TNS3: variants seen among roughly 807,000 people sequenced by gnomAD.
TNS3 encodes the protein tensin-3.
A neutral mutation model predicts 140.9 loss-of-function variants in TNS3; 45 were observed. The ratio of observed to expected loss-of-function variants is 0.32; its 90% CI spans 0.25 to 0.41. The LOEUF (loss-of-function observed/expected upper bound fraction) is 0.41, where lower values mean the gene tolerates loss of function less well. Ranked by LOEUF, TNS3 falls within the 10% of genes least tolerant of loss-of-function variation. The pLI, the probability that TNS3 is intolerant of heterozygous loss-of-function variation, is 1.00. For synonymous variants in TNS3, 815 were observed against 788.4 expected (o/e 1.03, Z -0.56); for missense variants, 1,716 against 1,906.7 (o/e 0.90, Z 1.86).
At chr7:47,309,653 T>G (rs1786969503) in intron 20 of TNS3, among the ~76,000 whole-genome samples, 1 of 152,198 alleles carries the variant, frequency 6.6e-6, no homozygotes, top group Non-Finnish European at 1.5e-5. Context: ...CAGATGTTTA[T>G]CCAGTGAGGT....
chr7:47,304,981 C>G lies in TNS3; in HGVS notation c.2673G>C (p.Thr891=). Residue 891 remains threonine (T), a synonymous_variant, in exon 21 of 31, where the codon ACG becomes ACC. Transcript: ENST00000311160. ...CTGACATCCCCACAGCGTGAGTGAG[C>G]GTCTCAGGGCAGCTTCGTGGTTCTG... is the stretch of plus-strand genomic sequence containing the variant. The part of the protein sequence containing the change: ...GGREPRSCPE[T]LTHAVGMSES... The G allele has an allele frequency of 7.3e-7, 1 of 1,371,952 alleles. No individual in the cohort carries two copies. The highest frequency in any genetic ancestry group is 9.5e-7 in the Non-Finnish European group (1 of 1,050,380). The allele number at this position is 1,371,952 out of a possible 1,614,324, so 85.0% of individuals were successfully genotyped here.
chr7:47,534,190 C>T (rs1393039431), intron 1 of TNS3, among the ~76,000 whole-genome samples: 3 of 152,032 alleles, frequency 2.0e-5, no homozygotes, highest in Admixed American at 6.6e-5. Context: ...AGGAGAATCC[C>T]TTGAACCCAG....
chr7:47,441,915 A>G, intron 5 of TNS3, 88 bp downstream of exon 5: 4 of 954,344 alleles, frequency 4.2e-6, no homozygotes, highest in Non-Finnish European at 5.9e-6. Flanking sequence ...TTTCTACAGA[A>G]GAAAATGATG....
intron 2 of TNS3, among the ~76,000 whole-genome samples, chr7:47,511,550 G>A (rs1049145838): frequency 8.2e-6 from 1 of 121,522 alleles, no homozygotes; most frequent in African/African-American, 2.7e-5. Context: ...AAACCACACT[G>A]ACAAGAGCCC....
intron 20 of TNS3, among the ~76,000 whole-genome samples, chr7:47,340,506 C>T (rs1484833458): frequency 2.6e-5 from 4 of 151,800 alleles, no homozygotes. Context: ...GAACTAGAAT[C>T]CTGCAAAGTG....
chr7:47,526,279 G>C (rs1272966209), intron 2 of TNS3, among the ~76,000 whole-genome samples: 1 of 152,172 alleles, frequency 6.6e-6, no homozygotes, highest in Admixed American at 6.5e-5. Flanking sequence ...TGCAGCCCAA[G>C]CCACTGTGGT....
intron 2 of TNS3, among the ~76,000 whole-genome samples, chr7:47,513,950 C>T (rs1158246546): frequency 4.6e-5 from 7 of 152,268 alleles, no homozygotes; most frequent in South Asian, 2.1e-4. Context: ...GGCTTGCAAA[C>T]GCCCAACATT....
intron 2 of TNS3, among the ~76,000 whole-genome samples, chr7:47,528,380 C>T (rs1196369449): frequency 6.6e-6 from 1 of 152,202 alleles, no homozygotes; most frequent in East Asian, 1.9e-4. Context: ...TAGAGGAAAT[C>T]CCCAACCCCG....
chr7:47,406,048 C>T (rs1016249458), intron 13 of TNS3, among the ~76,000 whole-genome samples: 1 of 152,148 alleles, frequency 6.6e-6, no homozygotes, highest in East Asian at 1.9e-4. Context: ...CTGATGAGCC[C>T]GCTGCCCGCA....
At chr7:47,566,520 T>G (rs1800431962) in intron 1 of TNS3, among the ~76,000 whole-genome samples, 1 of 152,248 alleles carries the variant, frequency 6.6e-6, no homozygotes, top group South Asian at 2.1e-4. Context: ...AAGGGATTGC[T>G]AAGTAACAGT....
intron 1 of TNS3, among the ~76,000 whole-genome samples, chr7:47,565,311 G>A (rs988597367): frequency 4.6e-5 from 7 of 151,464 alleles, no homozygotes; most frequent in East Asian, 1.9e-4. Context: ...TCCTGACCTC[G>A]TGATCCACCT....
At chr7:47,330,604 A>G (rs1788279380) in intron 20 of TNS3, among the ~76,000 whole-genome samples, 1 of 151,984 alleles carries the variant, frequency 6.6e-6, no homozygotes, top group African/African-American at 2.4e-5. Flanking sequence ...AAAAGGACGG[A>G]GGGAAGGTGA....
intron 1 of TNS3, among the ~76,000 whole-genome samples, chr7:47,559,837 T>C (rs1800286821): frequency 6.6e-6 from 1 of 152,176 alleles, no homozygotes; most frequent in Admixed American, 6.5e-5. Context: ...TGCTGTAGCA[T>C]AGGACAAGGA....
At chr7:47,289,338 C>T (rs948408319) in intron 27 of TNS3, among the ~76,000 whole-genome samples, 3 of 152,270 alleles carry the variant, frequency 2.0e-5, no homozygotes, top group Non-Finnish European at 4.4e-5. Flanking sequence ...ACCTACCTTG[C>T]ATGAAAAACT....
rs1484179998 is a variant in TNS3 at position 47,342,526 on chromosome 7, C to T, written c.2650+2229G>A. On this transcript the variant is annotated intron_variant, in intron 20 of 30. Coordinates refer to ENST00000311160, the MANE Select transcript of TNS3 (RefSeq NM_022748.12). Reference sequence around the variant, plus strand: ...TAAATGTACAAATTACATGGTTATTCCATGACTGTGAGACTTTCCATGTGC... The same window carrying T: ...TAAATGTACAAATTACATGGTTATTTCATGACTGTGAGACTTTCCATGTGC... Among the ~76,000 whole-genome samples the T allele has an allele frequency of 2.6e-5, 4 of 152,180 alleles. No individual in the cohort carries two copies. In the East Asian group the frequency reaches 7.7e-4, roughly 29 times the overall value.
chr7:47,325,027 T>C (rs954076175), intron 20 of TNS3, among the ~76,000 whole-genome samples: 3 of 151,896 alleles, frequency 2.0e-5, no homozygotes, highest in Admixed American at 6.6e-5. Flanking sequence ...GGGAAAACTA[T>C]CAAGGGAAAC....
intron 16 of TNS3, among the ~76,000 whole-genome samples, chr7:47,382,535 G>C (rs1791832121): frequency 6.6e-6 from 1 of 152,170 alleles, no homozygotes; most frequent in African/African-American, 2.4e-5. Context: ...TGGCCAGAAG[G>C]CAGTTCTGTG....
chr7:47,457,129 AGGGG>A (rs1562766114), intron 4 of TNS3, among the ~76,000 whole-genome samples: 1 of 19,478 alleles, frequency 5.1e-5, no homozygotes, highest in Non-Finnish European at 1.0e-4. Context: ...AGGGGAGGGG[AGGGG>A]AGGAGGGGAG....
intron 20 of TNS3, among the ~76,000 whole-genome samples, chr7:47,339,734 G>T (rs1171866699): frequency 6.6e-6 from 1 of 151,990 alleles, no homozygotes; most frequent in African/African-American, 2.4e-5. Context: ...ATCTTGCTGA[G>T]ATTTTGATAG....
Sources: gnomAD v4.1 joint callset for allele counts (sites outside exome capture counted in the v4.1 genomes callset) on GRCh38, gnomAD v4.1.1 for gene constraint, MANE v1.5 for transcripts, NCBI Gene and HGNC (gene_info 2026-07-23, HGNC 2026-07-21) for gene names.